The following C10orf71 variants were observed in gnomAD, a reference collection of about 807,000 sequenced individuals.
C10orf71 encodes chromosome 10 open reading frame 71, also known as cardiac-enriched FHL2-interacting protein.
For synonymous variants in C10orf71, 758 were observed against 726.3 expected (o/e 1.04, Z -0.70); for missense variants, 1,869 against 1,804.5 (o/e 1.04, Z -0.65).
rs1849115465 is a variant in C10orf71 at position 49,322,632 on chromosome 10, G to A, written c.87G>A (p.Val29=). The A allele has an allele frequency of 1.2e-6, 2 of 1,613,370 alleles. No homozygotes were observed. The highest frequency in any genetic ancestry group is 1.7e-5 in the Admixed American group (1 of 59,938). ...GSVLDDADRE[V]SSLTDRAFRS... is the part of the protein sequence containing the mutation. ...TGTTGGATGATGCAGACAGGGAGGT[G>A]AGCAGCCTAACAGACCGGGCATTCC... The change falls in exon 3 of 3, where the codon GTG becomes GTA. Residue 29 remains valine (V), a synonymous_variant. Transcript: ENST00000374144.
intron 2 of C10orf71, among the ~76,000 whole-genome samples, chr10:49,318,199 G>A (rs1029991365): frequency 6.6e-6 from 1 of 152,218 alleles, no homozygotes; most frequent in African/African-American, 2.4e-5. Flanking sequence ...TTGCTCCTTT[G>A]ATTAGAAAGG....
intron 1 of C10orf71, among the ~76,000 whole-genome samples, chr10:49,308,879 A>G (rs1848862886): frequency 6.6e-6 from 1 of 152,240 alleles, no homozygotes; most frequent in Non-Finnish European, 1.5e-5. Context: ...CGAGCCCCAC[A>G]TGGGAGATGC....
chr10:49,321,434 T>C (rs1849092036), intron 2 of C10orf71, among the ~76,000 whole-genome samples: 1 of 152,228 alleles, frequency 6.6e-6, no homozygotes, highest in Non-Finnish European at 1.5e-5. Context: ...TGTATGCATA[T>C]ACCACATTTT....
rs116910699 is a variant in C10orf71, at chr10:49,313,879, G to A, written c.-247-2266G>A. On this transcript the variant is annotated intron_variant, in intron 1 of 2. Coordinates refer to ENST00000374144, the MANE Select transcript of C10orf71 (RefSeq NM_001135196.2). Reference sequence around the variant, plus strand: ...TGGACTGCAGCCAGGCAAATGGCCTGGCCTGGACGCTGCCTCAGTGCGTGG... The same window carrying A: ...TGGACTGCAGCCAGGCAAATGGCCTAGCCTGGACGCTGCCTCAGTGCGTGG... Among the ~76,000 whole-genome samples, 22 of 152,296 alleles carry A rather than the reference G, an allele frequency of 1.4e-4. No homozygotes were observed. In the East Asian group the frequency reaches 4.3e-3, roughly 29 times the overall value.
rs1444735342 is a variant in C10orf71 at position 49,325,038 on chromosome 10, G to A, written c.2493G>A (p.Lys831=). 1.3e-6 allele frequency: 2 copies of A among 1,551,756 alleles called. No homozygotes were observed. The highest frequency in any genetic ancestry group is 4.9e-5 in the East Asian group (2 of 40,918). ...NFRGSWIGEN[K]GTTFSQAKDL... ...GAGGCTCTTGGATTGGGGAAAATAA[G>A]GGCACAACCTTTTCACAGGCCAAAG... Residue 831 remains lysine, a synonymous_variant, in exon 3 of 3, where the codon AAG becomes AAA. Transcript: ENST00000374144.
At chr10:49,302,223 G>A (rs1848740998) in intron 1 of C10orf71, among the ~76,000 whole-genome samples, 1 of 152,212 alleles carries the variant, frequency 6.6e-6, no homozygotes, top group Admixed American at 6.5e-5. Flanking sequence ...CACTGAGCCT[G>A]CCTGTGAGGG....
chr10:49,310,818 T>TGAAGAA (rs536447518), intron 1 of C10orf71, among the ~76,000 whole-genome samples: 57 of 152,132 alleles, frequency 3.7e-4, no homozygotes, highest in African/African-American at 1.1e-3. Flanking sequence ...ATGATGATGA[T>TGAAGAA]GAAGAAGAAG....
At chr10:49,303,881 C>G (rs1263266809) in intron 1 of C10orf71, among the ~76,000 whole-genome samples, 1 of 152,240 alleles carries the variant, frequency 6.6e-6, no homozygotes, top group Non-Finnish European at 1.5e-5. Flanking sequence ...AGCCGCCTTA[C>G]CCCTGCTGTG....
At chr10:49,314,252 C>G (rs1564686334) in intron 1 of C10orf71, among the ~76,000 whole-genome samples, 1 of 152,122 alleles carries the variant, frequency 6.6e-6, no homozygotes. Flanking sequence ...AGAGAACAGT[C>G]TTTGAAGGCC....
chr10:49,327,077 C>A lies in C10orf71; in HGVS notation c.*224C>A. 1 of 1,487,914 alleles carries A rather than the reference C, an allele frequency of 6.7e-7. No homozygotes were observed. The allele number at this position is 1,487,914 out of a possible 1,614,324, so 92.2% of individuals were successfully genotyped here. Reference sequence around the variant, plus strand: ...GCTCTCCTCTGATGGAGGGGCACTGCTTGCTTGGCCCGGTCCCCTCCGTGC... The same window carrying A: ...GCTCTCCTCTGATGGAGGGGCACTGATTGCTTGGCCCGGTCCCCTCCGTGC... On this transcript the variant is annotated 3_prime_UTR_variant, in exon 3 of 3. Transcript: ENST00000374144.
chr10:49,325,745 C>A lies in C10orf71; in HGVS notation c.3200C>A (p.Ala1067Asp), dbSNP rs1410787264. The A allele has an allele frequency of 1.3e-6, 2 of 1,551,348 alleles. No homozygotes were observed. Among genetic ancestry groups the A allele is most frequent in the East Asian group, 4.9e-5 (2 of 40,896 alleles). The change falls in exon 3 of 3, where the codon GCC (alanine) becomes GAC (aspartate). Residue 1067 changes from alanine (A) to aspartate (D), a missense_variant. Ala to Asp is a moderately radical substitution (Grantham distance 126). Coordinates refer to ENST00000374144, the MANE Select transcript of C10orf71 (RefSeq NM_001135196.2). ...CCCGGCTCCCCCGGGGAGAGCAGTG[C>A]CTGCTCCCCTGCTGCCAGCAACATT... ...PNPGSPGESS[A>D]CSPAASNIWE...
At chr10:49,304,956 A>G (rs914552498) in intron 1 of C10orf71, among the ~76,000 whole-genome samples, 8 of 152,184 alleles carry the variant, frequency 5.3e-5, no homozygotes, top group African/African-American at 1.9e-4. Context: ...CATTTGCCCC[A>G]AGGTCACCAA....
chr10:49,321,155 A>C (rs977503161), intron 2 of C10orf71, among the ~76,000 whole-genome samples: 2 of 152,094 alleles, frequency 1.3e-5, no homozygotes, highest in Non-Finnish European at 2.9e-5. Flanking sequence ...GCTGTACATC[A>C]GATCTCCAGA....
Position 49,326,109 on chromosome 10 carries a change from A to T in C10orf71, c.3564A>T (p.Ala1188=). 6.4e-7 allele frequency: 1 copy of T among 1,551,716 alleles called. No homozygotes were observed. The part of the protein sequence containing the change: ...EKALRRAKKL[A]SKRRKTDQAQ... The stretch of plus-strand genomic sequence containing the variant: ...CCCTGCGGCGGGCAAAGAAGCTGGC[A>T]AGTAAGAGGAGGAAGACGGATCAGG... Residue 1188 remains alanine, a synonymous_variant, in exon 3 of 3, where the codon GCA becomes GCT. Transcript: ENST00000374144.
chr10:49,319,523 C>T (rs1849055223), intron 2 of C10orf71, among the ~76,000 whole-genome samples: 1 of 151,834 alleles, frequency 6.6e-6, no homozygotes, highest in Admixed American at 6.5e-5. Context: ...TGGGGTTATA[C>T]CCAAAAGAAT....
In C10orf71 at chr10:49,323,524, G is replaced by A. The variant is rs746230881; in HGVS notation, c.979G>A (p.Val327Ile). ...PPERTVSPCQ[V>I]QASCSQEENR... ...TGAGCGCACAGTCTCTCCCTGCCAG[G>A]TCCAGGCCAGCTGCAGTCAGGAAGA... The change falls in exon 3 of 3, where the codon GTC becomes ATC. Residue 327 changes from valine to isoleucine, a missense_variant. Coordinates refer to ENST00000374144, the MANE Select transcript of C10orf71 (RefSeq NM_001135196.2). 1.9e-6 allele frequency: 3 copies of A among 1,611,082 alleles called. No homozygotes were observed. Among genetic ancestry groups the A allele is most frequent in the East Asian group, 2.2e-5 (1 of 44,814 alleles).
At chr10:49,303,335 C>T (rs1002271694) in intron 1 of C10orf71, among the ~76,000 whole-genome samples, 1 of 152,158 alleles carries the variant, frequency 6.6e-6, no homozygotes, top group African/African-American at 2.4e-5. Context: ...ATGATACTCC[C>T]ACCTCTGAAC....
At position 49,324,818 on chromosome 10, in the gene C10orf71, A is replaced by C. The variant is rs1406768203; in HGVS notation, c.2273A>C (p.Lys758Thr). The C allele has an allele frequency of 6.4e-7, 1 of 1,551,950 alleles. No homozygotes were observed. Among genetic ancestry groups the C allele is most frequent in the Non-Finnish European group, 8.7e-7 (1 of 1,147,104 alleles). Residue 758 changes from lysine (K) to threonine (T), a missense_variant, in exon 3 of 3, where the codon AAG (lysine) becomes ACG (threonine). By Grantham distance (78) the Lys-to-Thr change is moderately conservative (BLOSUM62 -1). Coordinates refer to ENST00000374144, the MANE Select transcript of C10orf71 (RefSeq NM_001135196.2). Reference sequence around the variant, plus strand: ...GAGAACCAGCGGGAAGACAGGAGGAAGGATGTGAGTGCAGGTGACAGTCAG... The same window carrying C: ...GAGAACCAGCGGGAAGACAGGAGGACGGATGTGAGTGCAGGTGACAGTCAG... ...FTENQREDRR[K>T]DVSAGDSQKD... is the part of the protein sequence containing the mutation.
chr10:49,310,388 A>G (rs1848889883), intron 1 of C10orf71, among the ~76,000 whole-genome samples: 1 of 152,176 alleles, frequency 6.6e-6, no homozygotes. Flanking sequence ...CTCCCAGGAC[A>G]CGCCTAAGGA....
Sources: gnomAD v4.1 joint callset for allele counts (sites outside exome capture counted in the v4.1 genomes callset) on GRCh38, gnomAD v4.1.1 for gene constraint, MANE v1.5 for transcripts, NCBI Gene and HGNC (gene_info 2026-07-23, HGNC 2026-07-21) for gene names.